The following ZNF454 variants were observed in gnomAD, a reference collection of about 807,000 sequenced individuals.
ZNF454 encodes zinc finger protein 454.
In ZNF454, 30 loss-of-function variants were observed where a neutral mutation model predicts 48.2. The ratio of observed to expected loss-of-function variants is 0.62; its 90% CI spans 0.47 to 0.84. ZNF454 has a LOEUF of 0.84. Among genes scored for constraint, ZNF454 ranks in the 40% least tolerant of loss-of-function variants. The pLI is 0.00. For synonymous variants in ZNF454, 204 were observed against 211.4 expected (o/e 0.97, Z 0.30); for missense variants, 510 against 623.1 (o/e 0.82, Z 1.93).
chr5:178,989,104 G>T, the ZNF454 span: 14 of 1,613,984 alleles, frequency 8.7e-6, no homozygotes, highest in Non-Finnish European at 8.5e-6. Context: ...CCTCCTGCTC[G>T]TAGGTGGAGT....
Position 178,944,340 on chromosome 5 carries a change from TTTCC to T in ZNF454, c.33+1523_33+1526del, listed in dbSNP as rs1759231129. Among the ~76,000 whole-genome samples, 1 of 152,214 alleles carries T rather than the reference TTTCC, an allele frequency of 6.6e-6. No homozygotes were observed. The highest frequency in any genetic ancestry group is 1.5e-5 in the Non-Finnish European group (1 of 68,044). ...CCACAGTGCCAGTCTACTGTGATAT[TTTCC>T]TTCCTTAACCTTTTCCTCAAAGTCA... On this transcript the variant is annotated intron_variant, in intron 2 of 4. Transcript: ENST00000519564. This position sits in a 1 kb window ranked among gnomAD's most constrained non-coding sequence, Gnocchi z 4.1.
chr5:178,947,130 T>C, intron 4 of ZNF454, 144 bp downstream of exon 4: 1 of 678,536 alleles, frequency 1.5e-6, no homozygotes, highest in Non-Finnish European at 2.6e-6. Context: ...GAATACCTTG[T>C]TGCTACTTTT....
the ZNF454 span, chr5:178,976,194 AAAATTGCAGCC>A: frequency 1.7e-5 from 7 of 413,220 alleles, no homozygotes; most frequent in Non-Finnish European, 5.0e-6. Flanking sequence ...TGCCCTATTC[AAAATTGCAGCC>A]ATCCCCCGCC....
rs1040965600 is a variant in ZNF454 at position 178,944,995 on chromosome 5, CAT to C, written c.34-1363_34-1362del. On this transcript the variant is annotated intron_variant, in intron 2 of 4. Transcript: ENST00000519564. The surrounding 1 kb of genome is among the most constrained non-coding windows in gnomAD (Gnocchi z 4.1). ...GCAGAATGACTGGTTCCATGGGACC[CAT>C]GTGTGTGTATGCACATGTGCACACG... Among the ~76,000 whole-genome samples the C allele has an allele frequency of 6.8e-6, 1 of 146,878 alleles. No individual in the cohort carries two copies. Among genetic ancestry groups the C allele is most frequent in the Non-Finnish European group, 1.5e-5 (1 of 67,470 alleles).
chr5:178,967,468 A>G (rs1760180036), downstream of ZNF454, among the ~76,000 whole-genome samples: 1 of 152,184 alleles, frequency 6.6e-6, no homozygotes, highest in African/African-American at 2.4e-5. Context: ...GGAGGTAGTA[A>G]TTCTATATTC....
the ZNF454 span, chr5:178,982,902 C>A: frequency 6.2e-7 from 1 of 1,608,020 alleles, no homozygotes; most frequent in South Asian, 1.1e-5. Flanking sequence ...TCCTGGGGAC[C>A]TCATTACCTT....
chr5:178,974,973 T>A, the ZNF454 span, among the ~76,000 whole-genome samples: 4 of 152,190 alleles, frequency 2.6e-5, no homozygotes, highest in Non-Finnish European at 5.9e-5. Context: ...CTCTTCTCTC[T>A]CTTCCTTTTT....
chr5:178,973,760 C>A, the ZNF454 span, among the ~76,000 whole-genome samples: 1 of 150,890 alleles, frequency 6.6e-6, no homozygotes, highest in Admixed American at 6.6e-5. Flanking sequence ...GGAGAATGGC[C>A]TGAACCCAGG....
At chr5:178,963,639 G>A (rs909151936) in intron 4 of ZNF454, among the ~76,000 whole-genome samples, 2 of 151,582 alleles carry the variant, frequency 1.3e-5, no homozygotes, top group Non-Finnish European at 1.5e-5. Flanking sequence ...AATACTTGCC[G>A]GCAGTGCTTG....
At chr5:178,950,163 G>A (rs1267125112) in intron 4 of ZNF454, among the ~76,000 whole-genome samples, 2 of 152,156 alleles carry the variant, frequency 1.3e-5, no homozygotes, top group African/African-American at 2.4e-5. Flanking sequence ...GTGAGCCACC[G>A]TACCTGGCTG....
chr5:178,944,032 T>TA lies in ZNF454; in HGVS notation c.33+1214dup, dbSNP rs1759219554. Among the ~76,000 whole-genome samples, 1 of 151,974 alleles carries TA rather than the reference T, an allele frequency of 6.6e-6. No individual in the cohort carries two copies. The highest frequency in any genetic ancestry group is 1.5e-5 in the Non-Finnish European group (1 of 67,980). On this transcript the variant is annotated intron_variant, in intron 2 of 4. Coordinates refer to ENST00000519564, the MANE Select transcript of ZNF454 (RefSeq NM_001178089.3). This position sits in a 1 kb window ranked among gnomAD's most constrained non-coding sequence, Gnocchi z 4.1. ...ACAGAGCGAGACTCCATCTCAAAAA[T>TA]AAAAAATAAAAAAGAATATGGACTG... is the stretch of plus-strand genomic sequence containing the variant.
At chr5:178,956,577 C>T (rs1759758882) in intron 4 of ZNF454, among the ~76,000 whole-genome samples, 1 of 150,838 alleles carries the variant, frequency 6.6e-6, no homozygotes, top group African/African-American at 2.4e-5. Flanking sequence ...GGGCAAATCC[C>T]CCAGTTCCCT....
rs777431258 is a variant in ZNF454, at chr5:178,946,363, C to G, written c.38C>G (p.Ser13Trp). Residue 13 changes from serine (S) to tryptophan (W), a missense_variant, in exon 3 of 5, where the codon TCG becomes TGG. By Grantham distance (177) the Ser-to-Trp change is radical. Coordinates refer to ENST00000519564, the MANE Select transcript of ZNF454 (RefSeq NM_001178089.3). This position sits in a 1 kb window ranked among gnomAD's most constrained non-coding sequence, Gnocchi z 4.5. ...AGAATGAATTTGCTGTTGCAGGAATCGGTGACCTTCAAGGATGTGGCTATA... is the reference window on the plus strand; with the variant it reads ...AGAATGAATTTGCTGTTGCAGGAATGGGTGACCTTCAAGGATGTGGCTATA... ...VSHLPTMVQE[S>W]VTFKDVAILF... 2 of 1,610,818 alleles carry G rather than the reference C, an allele frequency of 1.2e-6. No homozygotes were observed. The highest frequency in any genetic ancestry group is 1.1e-5 in the South Asian group (1 of 90,348).
At chr5:178,987,704 G>C in the ZNF454 span, among the ~76,000 whole-genome samples, 1 of 152,150 alleles carries the variant, frequency 6.6e-6, no homozygotes, top group South Asian at 2.1e-4. Context: ...TGGTTTCATA[G>C]ATGAAGAGTT....
At chr5:178,961,696 T>C (rs1243039895) in intron 4 of ZNF454, among the ~76,000 whole-genome samples, 1 of 151,198 alleles carries the variant, frequency 6.6e-6, no homozygotes, top group Non-Finnish European at 1.5e-5. Flanking sequence ...AGCGTGCACC[T>C]GTAGTCCCAG....
chr5:178,952,554 T>C (rs1391506987), intron 4 of ZNF454, among the ~76,000 whole-genome samples: 1 of 152,190 alleles, frequency 6.6e-6, no homozygotes, highest in African/African-American at 2.4e-5. Flanking sequence ...AGTTCTTACC[T>C]GAGGAAGTAA....
chr5:178,986,727 G>A, the ZNF454 span: 1 of 1,605,406 alleles, frequency 6.2e-7, no homozygotes, highest in Middle Eastern at 1.7e-4. Context: ...CCTCGTGGGG[G>A]TCGCCAGACC....
downstream of ZNF454, among the ~76,000 whole-genome samples, chr5:178,971,008 T>C (rs906194083): frequency 6.6e-6 from 1 of 152,240 alleles, no homozygotes; most frequent in Non-Finnish European, 1.5e-5. Context: ...GCAGTTCACA[T>C]GTGAGGCCAC....
chr5:178,971,850 G>GAA, the ZNF454 span, among the ~76,000 whole-genome samples: 15,351 of 141,232 alleles, frequency 0.11, 1,242 homozygotes, highest in African/African-American at 0.22. Context: ...GACTCCATCT[G>GAA]AAAAAAAAAA....
Sources: allele counts gnomAD v4.1 joint callset (sites outside exome capture counted in the v4.1 genomes callset), GRCh38; gene constraint gnomAD v4.1.1; non-coding constraint Gnocchi (gnomAD v3.1); transcripts MANE v1.5; gene names NCBI Gene and HGNC (gene_info 2026-07-23, HGNC 2026-07-21).